The following VTI1A variants were observed in gnomAD, a reference collection of about 807,000 sequenced individuals.
The protein encoded by VTI1A is vesicle transport through interaction with t-SNAREs homolog 1A.
A neutral mutation model predicts 34.9 loss-of-function variants in VTI1A; 22 were observed. The observed-to-expected ratio is 0.63, with a 90% confidence interval of 0.45 to 0.90. The LOEUF is 0.90. Among genes scored for constraint, VTI1A ranks in the 40% least tolerant of loss-of-function variants. VTI1A has a pLI of 0.00. For missense variants in VTI1A, 268 were observed against 275.6 expected, an observed-to-expected ratio of 0.97 and a Z score of 0.20; for synonymous variants, 87 against 97.3, an observed-to-expected ratio of 0.89 and a Z score of 0.62.
At chr10:112,700,839 T>A (rs1157800392) in intron 7 of VTI1A, among the ~76,000 whole-genome samples, 2 of 152,206 alleles carry the variant, frequency 1.3e-5, no homozygotes, top group Non-Finnish European at 2.9e-5. Context: ...ATTTGTAAAT[T>A]AAGTCCAAGT....
intron 3 of VTI1A, among the ~76,000 whole-genome samples, chr10:112,470,924 A>G (rs1848054166): frequency 6.6e-6 from 1 of 152,146 alleles, no homozygotes; most frequent in Non-Finnish European, 1.5e-5. Context: ...TCAGACTTTC[A>G]GTCTCCCTTT....
In VTI1A at chr10:112,817,816, T is replaced by C. The variant is rs1197571165; in HGVS notation, c.*2433T>C. The C allele has an allele frequency of 1.3e-5, 3 of 232,444 alleles. No homozygotes were observed. The highest frequency in any genetic ancestry group is 6.6e-5 in the African/African-American group (3 of 45,272). 14.4% of individuals were successfully genotyped at this position (232,444 alleles called of 1,614,324 possible). ...TAGACTTTGACGAATATTTCTCAAG[T>C]TGGGAGCCCTTGTTAAAAATGATGT... On this transcript the variant is annotated 3_prime_UTR_variant, in exon 8 of 8. Transcript: ENST00000393077.
At chr10:112,782,893 C>A (rs1326780271) in intron 7 of VTI1A, among the ~76,000 whole-genome samples, 1 of 152,118 alleles carries the variant, frequency 6.6e-6, no homozygotes, top group Non-Finnish European at 1.5e-5. Flanking sequence ...TTTTGTGATT[C>A]AGTGATTATA....
Position 112,577,591 on chromosome 10 carries a change from A to G in VTI1A, c.427+39261A>G, listed in dbSNP as rs538985235. Among the ~76,000 whole-genome samples, 15 of 152,348 alleles carry G rather than the reference A, an allele frequency of 9.8e-5. 1 individual carries two copies. In the South Asian group the frequency reaches 2.7e-3, roughly 27 times the overall value. On this transcript the variant is annotated intron_variant, in intron 5 of 7. Coordinates refer to ENST00000393077, the MANE Select transcript of VTI1A (RefSeq NM_145206.4). The stretch of plus-strand genomic sequence containing the variant: ...ATCCCCTGTGGGGATAACATTGTGA[A>G]CAAATAACATGCCAAGTAAAAAGTT...
chr10:112,529,750 T>G (rs1019596083), intron 4 of VTI1A, among the ~76,000 whole-genome samples: 3 of 152,062 alleles, frequency 2.0e-5, no homozygotes, highest in Non-Finnish European at 2.9e-5. Context: ...AGTTTAAAAA[T>G]ATAGATCAAA....
intron 5 of VTI1A, among the ~76,000 whole-genome samples, chr10:112,645,363 T>C (rs909606163): frequency 1.3e-5 from 2 of 152,192 alleles, no homozygotes; most frequent in Admixed American, 6.5e-5. Context: ...TATTTCTCAC[T>C]AGTTTCAGGA....
chr10:112,467,908 A>G lies in VTI1A; in HGVS notation c.264+3251A>G, dbSNP rs192586137. ...AATGCAGCAGTGGTGAACAAGATAA[A>G]GTTCTACTTGTCATATAGTTTAAAT... On this transcript the variant is annotated intron_variant, in intron 3 of 7. Coordinates refer to ENST00000393077, the MANE Select transcript of VTI1A (RefSeq NM_145206.4). Among the ~76,000 whole-genome samples, 236 of 152,358 alleles carry G rather than the reference A, an allele frequency of 1.5e-3. 3 individuals carry two copies. The highest frequency in any genetic ancestry group is 0.014 in the Admixed American group (207 of 15,304).
intron 7 of VTI1A, among the ~76,000 whole-genome samples, chr10:112,743,856 C>T (rs74156810): frequency 0.013 from 1,926 of 152,192 alleles, 39 homozygotes; most frequent in African/African-American, 0.043. Flanking sequence ...TAATGAACAC[C>T]TTTCTTCCTG....
chr10:112,611,167 G>A (rs1845294903), intron 5 of VTI1A, among the ~76,000 whole-genome samples: 1 of 152,192 alleles, frequency 6.6e-6, no homozygotes, highest in South Asian at 2.1e-4. Context: ...TAGAAGAAAC[G>A]ACAATAGAGT....
chr10:112,646,699 C>T (rs1395714353), intron 5 of VTI1A, among the ~76,000 whole-genome samples: 5 of 151,924 alleles, frequency 3.3e-5, no homozygotes, highest in South Asian at 4.2e-4. Context: ...TTAGTAGAAA[C>T]GGGGTTTCAC....
intron 7 of VTI1A, among the ~76,000 whole-genome samples, chr10:112,766,798 A>G (rs1388697405): frequency 2.0e-5 from 3 of 152,220 alleles, no homozygotes; most frequent in Non-Finnish European, 2.9e-5. Context: ...TTAACATAGC[A>G]TAGGTATTCT....
At chr10:112,777,416 T>C (rs1259472435) in intron 7 of VTI1A, among the ~76,000 whole-genome samples, 1 of 152,174 alleles carries the variant, frequency 6.6e-6, no homozygotes, top group African/African-American at 2.4e-5. Context: ...CAGTGCCATC[T>C]CTTCAGGTGG....
chr10:112,579,251 G>A (rs1843829040), intron 5 of VTI1A, among the ~76,000 whole-genome samples: 1 of 152,156 alleles, frequency 6.6e-6, no homozygotes, highest in African/African-American at 2.4e-5. Flanking sequence ...CATTCATTTT[G>A]CTTATATTTC....
chr10:112,586,849 T>C (rs1844180790), intron 5 of VTI1A, among the ~76,000 whole-genome samples: 1 of 152,200 alleles, frequency 6.6e-6, no homozygotes, highest in South Asian at 2.1e-4. Context: ...AGTTTTAGGG[T>C]AACCACTGGT....
At chr10:112,775,981 C>A (rs563176984) in intron 7 of VTI1A, among the ~76,000 whole-genome samples, 1 of 152,330 alleles carries the variant, frequency 6.6e-6, no homozygotes, top group Admixed American at 6.5e-5. Context: ...TCTGTCTTCG[C>A]ACTCTAAGTG....
intron 7 of VTI1A, among the ~76,000 whole-genome samples, chr10:112,798,215 T>C (rs969235791): frequency 6.6e-6 from 1 of 152,176 alleles, no homozygotes; most frequent in African/African-American, 2.4e-5. Context: ...CAGGGTCGAC[T>C]TCAGAGCCTC....
At chr10:112,779,701 T>C (rs1348943943) in intron 7 of VTI1A, among the ~76,000 whole-genome samples, 1 of 152,232 alleles carries the variant, frequency 6.6e-6, no homozygotes, top group South Asian at 2.1e-4. Flanking sequence ...AATCAACATA[T>C]GTTTTTCCTC....
chr10:112,588,667 A>G (rs953737123), intron 5 of VTI1A, among the ~76,000 whole-genome samples: 1 of 152,246 alleles, frequency 6.6e-6, no homozygotes, highest in Non-Finnish European at 1.5e-5. Flanking sequence ...AGTAGCAAGT[A>G]GTAGGGAACA....
At chr10:112,486,479 G>A (rs1041647371) in intron 3 of VTI1A, among the ~76,000 whole-genome samples, 7 of 152,058 alleles carry the variant, frequency 4.6e-5, no homozygotes, top group Non-Finnish European at 1.0e-4. Flanking sequence ...GTGCCCTTAT[G>A]TGGTACATCC....
Sources: allele counts gnomAD v4.1 joint callset (sites outside exome capture counted in the v4.1 genomes callset), GRCh38; gene constraint gnomAD v4.1.1; transcripts MANE v1.5; gene names NCBI Gene and HGNC (gene_info 2026-07-23, HGNC 2026-07-21).